The following SLC24A3 variants were observed in gnomAD, a reference collection of about 807,000 sequenced individuals.
SLC24A3 encodes the protein sodium/potassium/calcium exchanger 3.
Under a neutral mutation model 75.8 loss-of-function variants are expected in SLC24A3, and 28 were observed. The ratio of observed to expected loss-of-function variants is 0.37; its 90% confidence interval spans 0.27 to 0.51. The LOEUF (loss-of-function observed/expected upper bound fraction) is 0.51. Among genes scored for constraint, SLC24A3 ranks in the 20% least tolerant of loss-of-function variants. The probability of loss-of-function intolerance (pLI) is 0.94; values close to 1 mark genes in which losing one functional copy is unlikely to be tolerated. For synonymous variants in SLC24A3, 372 were observed against 334.1 expected (o/e 1.11, Z -1.24); for missense variants, 663 against 847.8 (o/e 0.78, Z 2.71).
intron 2 of SLC24A3, among the ~76,000 whole-genome samples, chr20:19,392,130 A>G (rs1600461424): frequency 6.6e-6 from 1 of 152,226 alleles, no homozygotes; most frequent in African/African-American, 2.4e-5. Context: ...TCCTTGGAGC[A>G]TAGATGTTTA....
chr20:19,398,469 A>T (rs908539644), intron 2 of SLC24A3, among the ~76,000 whole-genome samples: 1 of 152,138 alleles, frequency 6.6e-6, no homozygotes, highest in African/African-American at 2.4e-5. Context: ...TTTTCATTTC[A>T]ACTTTTAATT....
At chr20:19,650,275 G>A (rs554125625) in intron 6 of SLC24A3, among the ~76,000 whole-genome samples, 1 of 152,254 alleles carries the variant, frequency 6.6e-6, no homozygotes, top group South Asian at 2.1e-4. Flanking sequence ...AGAAGAGAAA[G>A]GATATCACTA....
At chr20:19,661,809 A>C (rs1304763903) in intron 7 of SLC24A3, among the ~76,000 whole-genome samples, 1 of 151,976 alleles carries the variant, frequency 6.6e-6, no homozygotes, top group African/African-American at 2.4e-5. Flanking sequence ...CGCGTATACT[A>C]GGGGCTCCTG....
chr20:19,383,152 G>A (rs1224120549), intron 2 of SLC24A3, among the ~76,000 whole-genome samples: 1 of 152,148 alleles, frequency 6.6e-6, no homozygotes, highest in African/African-American at 2.4e-5. Context: ...ACATATGGGA[G>A]GTAATCATGA....
At chr20:19,274,519 C>T (rs186584055) in intron 1 of SLC24A3, among the ~76,000 whole-genome samples, 56 of 152,244 alleles carry the variant, frequency 3.7e-4, no homozygotes, top group Middle Eastern at 3.4e-3. Flanking sequence ...TCCTCTCCTT[C>T]TGGGTTAGGA....
chr20:19,687,966 T>C (rs1431892626), intron 12 of SLC24A3, among the ~76,000 whole-genome samples: 2 of 152,084 alleles, frequency 1.3e-5, no homozygotes, highest in African/African-American at 2.4e-5. Context: ...CACCTGAGGC[T>C]CAGGAACCCC....
chr20:19,274,525 T>A (rs574744831), intron 1 of SLC24A3, among the ~76,000 whole-genome samples: 1 of 152,276 alleles, frequency 6.6e-6, no homozygotes, highest in African/African-American at 2.4e-5. Context: ...CCTTCTGGGT[T>A]AGGAGAGCTC....
At chr20:19,531,709 G>A (rs2030303233) in intron 3 of SLC24A3, among the ~76,000 whole-genome samples, 1 of 152,184 alleles carries the variant, frequency 6.6e-6, no homozygotes, top group African/African-American at 2.4e-5. Flanking sequence ...AATGGAGACA[G>A]GGAGGGATAA....
intron 2 of SLC24A3, among the ~76,000 whole-genome samples, chr20:19,505,803 A>G (rs1168752515): frequency 6.6e-6 from 1 of 152,190 alleles, no homozygotes. Context: ...TGGGCAGGGG[A>G]ACCTTTCTCA....
At chr20:19,447,134 AT>A (rs1464608215) in intron 2 of SLC24A3, among the ~76,000 whole-genome samples, 5 of 152,222 alleles carry the variant, frequency 3.3e-5, no homozygotes, top group African/African-American at 1.2e-4. Context: ...CCTTGACCAA[AT>A]TCATTTGATC....
At chr20:19,323,437 G>C (rs376034335) in intron 2 of SLC24A3, among the ~76,000 whole-genome samples, 1 of 152,106 alleles carries the variant, frequency 6.6e-6, no homozygotes, top group African/African-American at 2.4e-5. Context: ...CAACTATAGT[G>C]GGTGTTTCTG....
At chr20:19,719,138 T>A (rs1600356852) in intron 16 of SLC24A3, among the ~76,000 whole-genome samples, 1 of 152,078 alleles carries the variant, frequency 6.6e-6, no homozygotes, top group African/African-American at 2.4e-5. Context: ...GCATTGGCCA[T>A]GGGAGTTAGC....
At chr20:19,446,494 A>G (rs1004491858) in intron 2 of SLC24A3, among the ~76,000 whole-genome samples, 1 of 152,198 alleles carries the variant, frequency 6.6e-6, no homozygotes, top group Admixed American at 6.5e-5. Flanking sequence ...TGGACTTTTT[A>G]ATGGAAGCAA....
intron 1 of SLC24A3, among the ~76,000 whole-genome samples, chr20:19,266,884 G>A (rs117815687): frequency 1.1e-4 from 16 of 152,110 alleles, no homozygotes; most frequent in Non-Finnish European, 1.5e-4. Flanking sequence ...GTATATATAT[G>A]TATAATGAGA....
intron 2 of SLC24A3, among the ~76,000 whole-genome samples, chr20:19,366,145 T>C (rs957386791): frequency 4.0e-5 from 6 of 149,820 alleles, no homozygotes; most frequent in African/African-American, 1.5e-4. Context: ...TTTTTGGTGG[T>C]GGTGGTAGGG....
chr20:19,275,064 G>A (rs906973116), intron 1 of SLC24A3, among the ~76,000 whole-genome samples: 2 of 152,194 alleles, frequency 1.3e-5, no homozygotes, highest in African/African-American at 4.8e-5. Flanking sequence ...TGTTGCCATG[G>A]CCCTCTGAGT....
chr20:19,631,791 A>AGTGT (rs148278633), intron 6 of SLC24A3, among the ~76,000 whole-genome samples: 17,992 of 147,826 alleles, frequency 0.12, 1,277 homozygotes, highest in African/African-American at 0.19. Flanking sequence ...TATGAGTGAG[A>AGTGT]GTGTGTGTGT....
intron 2 of SLC24A3, among the ~76,000 whole-genome samples, chr20:19,416,706 G>C (rs749194614): frequency 6.6e-6 from 1 of 152,202 alleles, no homozygotes; most frequent in Non-Finnish European, 1.5e-5. Context: ...TAGGAGAGTT[G>C]AGTAGGAATT....
At chr20:19,438,633 C>G (rs573635979) in intron 2 of SLC24A3, among the ~76,000 whole-genome samples, 1 of 151,798 alleles carries the variant, frequency 6.6e-6, no homozygotes, top group East Asian at 1.9e-4. Flanking sequence ...CTGGCATTCC[C>G]ACATGGTAGG....
Sources: allele counts gnomAD v4.1 joint callset (sites outside exome capture counted in the v4.1 genomes callset), GRCh38; gene constraint gnomAD v4.1.1; transcripts MANE v1.5; gene names NCBI Gene and HGNC (gene_info 2026-07-23, HGNC 2026-07-21).